PLD5: variants seen among roughly 807,000 people sequenced by gnomAD.
PLD5 encodes the protein inactive phospholipase D5.
Under a neutral mutation model 61.1 loss-of-function variants are expected in PLD5, and 36 were observed. The observed-to-expected ratio is 0.59, with a 90% CI of 0.45 to 0.78. PLD5 has a LOEUF of 0.78. Ranked by LOEUF, PLD5 falls within the 30% of genes least tolerant of loss-of-function variation. The pLI, the probability that PLD5 is intolerant of heterozygous loss-of-function variation, is 0.00. For missense variants in PLD5, 515 were observed against 644.4 expected (o/e 0.80, Z 2.17); for synonymous variants, 243 against 242.8 (o/e 1.00, Z -0.01).
At chr1:242,396,413 C>T (rs983853146) in intron 1 of PLD5, among the ~76,000 whole-genome samples, 3 of 152,112 alleles carry the variant, frequency 2.0e-5, no homozygotes, top group African/African-American at 7.2e-5. Flanking sequence ...CCCCACTTTG[C>T]CCTCCAGCTA....
chr1:242,116,301 G>C (rs1009622909), intron 6 of PLD5, among the ~76,000 whole-genome samples: 3 of 152,184 alleles, frequency 2.0e-5, no homozygotes, highest in African/African-American at 7.2e-5. Context: ...GGGCATAGGG[G>C]CATAGGGATA....
At chr1:242,122,218 G>A (rs1240825530) in intron 6 of PLD5, among the ~76,000 whole-genome samples, 2 of 152,202 alleles carry the variant, frequency 1.3e-5, no homozygotes, top group East Asian at 1.9e-4. Context: ...CAAAGGTATC[G>A]AATTGTAGTA....
At chr1:242,219,918 A>G in intron 5 of PLD5, 70 bp downstream of exon 5, 1 of 1,562,604 alleles carries the variant, frequency 6.4e-7, no homozygotes, top group Admixed American at 1.7e-5. Context: ...TATCTGCAGT[A>G]GCGTGCTTTA....
At chr1:242,345,834 G>A (rs1660097441) in intron 2 of PLD5, 1 of 374,140 alleles carries the variant, frequency 2.7e-6, no homozygotes, top group Admixed American at 3.8e-5. Flanking sequence ...GCATTGGAGA[G>A]AAGGGCAAAA....
At chr1:242,467,909 C>T (rs529341840) in intron 1 of PLD5, among the ~76,000 whole-genome samples, 2 of 151,570 alleles carry the variant, frequency 1.3e-5, no homozygotes, top group Admixed American at 6.6e-5. Flanking sequence ...TCCACTGTGC[C>T]CCCAGTAGAA....
intron 1 of PLD5, among the ~76,000 whole-genome samples, chr1:242,442,505 T>A (rs968632690): frequency 4.6e-5 from 7 of 152,186 alleles, no homozygotes; most frequent in African/African-American, 1.7e-4. Flanking sequence ...AATAAGCAGA[T>A]CTTGATTAGG....
intron 1 of PLD5, among the ~76,000 whole-genome samples, chr1:242,368,704 C>A (rs1191974183): frequency 6.6e-6 from 1 of 152,126 alleles, no homozygotes; most frequent in African/African-American, 2.4e-5. Flanking sequence ...GTGCTAACAA[C>A]AAAGGGAAGG....
chr1:242,516,250 T>TTA (rs57043354), intron 1 of PLD5, among the ~76,000 whole-genome samples: 5,118 of 138,338 alleles, frequency 0.037, 101 homozygotes, highest in South Asian at 0.077. Flanking sequence ...TAAAGTTAAA[T>TTA]TATATATATA....
intron 4 of PLD5, among the ~76,000 whole-genome samples, chr1:242,229,378 T>A (rs1215107162): frequency 6.6e-6 from 1 of 152,228 alleles, no homozygotes; most frequent in Admixed American, 6.5e-5. Flanking sequence ...AGAATGTATG[T>A]AACTTATAAG....
chr1:242,210,185 G>A (rs568804836), intron 5 of PLD5, among the ~76,000 whole-genome samples: 2 of 152,220 alleles, frequency 1.3e-5, no homozygotes, highest in Non-Finnish European at 2.9e-5. Context: ...AGTTTGCCAA[G>A]TTGTGAATAC....
At chr1:242,298,948 A>G (rs893279291) in intron 2 of PLD5, among the ~76,000 whole-genome samples, 1 of 152,136 alleles carries the variant, frequency 6.6e-6, no homozygotes, top group African/African-American at 2.4e-5. Flanking sequence ...GATGTGGCAA[A>G]GGAGCAGGGA....
intron 1 of PLD5, among the ~76,000 whole-genome samples, chr1:242,465,886 G>C (rs923527697): frequency 2.0e-5 from 3 of 152,282 alleles, no homozygotes; most frequent in Admixed American, 2.0e-4. Flanking sequence ...CCGAGATCGT[G>C]CCACTGCACT....
intron 1 of PLD5, among the ~76,000 whole-genome samples, chr1:242,435,588 C>A (rs946127323): frequency 6.6e-6 from 1 of 152,146 alleles, no homozygotes; most frequent in South Asian, 2.1e-4. Context: ...AATGAATCAA[C>A]AATACATATC....
At chr1:242,220,702 A>T (rs376099663) in intron 4 of PLD5, among the ~76,000 whole-genome samples, 1 of 96,862 alleles carries the variant, frequency 1.0e-5, no homozygotes, top group Admixed American at 1.2e-4. Context: ...TATTTTTTTT[A>T]ATTTATATTT....
intron 1 of PLD5, among the ~76,000 whole-genome samples, chr1:242,500,094 T>C (rs1668505788): frequency 6.6e-6 from 1 of 152,154 alleles, no homozygotes; most frequent in South Asian, 2.1e-4. Context: ...CGCACAGTCT[T>C]TTATGATCAA....
At chr1:242,174,728 G>C (rs1395266682) in intron 5 of PLD5, among the ~76,000 whole-genome samples, 2 of 152,040 alleles carry the variant, frequency 1.3e-5, no homozygotes, top group Non-Finnish European at 2.9e-5. Flanking sequence ...CATAAAAAAT[G>C]ATGAGTTCAT....
At chr1:242,345,710 G>A (rs1189753171) in intron 2 of PLD5, 39 of 712,120 alleles carry the variant, frequency 5.5e-5, no homozygotes, top group Non-Finnish European at 7.5e-5. Context: ...AGAAGAGCTT[G>A]TGGAAGATCA....
At chr1:242,240,514 C>A (rs913424113) in intron 4 of PLD5, among the ~76,000 whole-genome samples, 4 of 152,218 alleles carry the variant, frequency 2.6e-5, no homozygotes, top group Admixed American at 2.6e-4. Context: ...TTTTGATGGT[C>A]TTCTTTCTAG....
rs374529560 is a variant in PLD5 at position 242,380,708 on chromosome 1, G to GA, written c.190-32467dup. ...AAACTTAAATTTGCAAGAAAGAAGA[G>GA]AAAAAAAAACAACTCCATTAAAAAG... On this transcript the variant is annotated intron_variant, in intron 1 of 9. Transcript: ENST00000536534. 8.3e-3 allele frequency among the ~76,000 whole-genome samples: 1,201 copies of GA among 145,350 alleles called. 8 individuals carry two copies. Among genetic ancestry groups the GA allele is most frequent in the Non-Finnish European group, 0.012 (775 of 66,212 alleles).
Sources: gnomAD v4.1 joint callset for allele counts (sites outside exome capture counted in the v4.1 genomes callset) on GRCh38, gnomAD v4.1.1 for gene constraint, MANE v1.5 for transcripts, NCBI Gene and HGNC (gene_info 2026-07-23, HGNC 2026-07-21) for gene names.